The following CLSTN2 variants were observed in gnomAD, a reference collection of about 807,000 sequenced individuals.
CLSTN2 encodes the protein calsyntenin-2.
Under a neutral mutation model 101.2 loss-of-function variants are expected in CLSTN2, and 48 were observed. The observed-to-expected ratio is 0.47, with a 90% CI of 0.38 to 0.60. CLSTN2 has a LOEUF of 0.60. CLSTN2 is among the 20% of genes least tolerant of loss of function. The pLI is 0.00. For synonymous variants in CLSTN2, 481 were observed against 463.6 expected (o/e 1.04, Z -0.48); for missense variants, 1,160 against 1,238.2 (o/e 0.94, Z 0.95).
At chr3:140,121,732 A>G (rs1360125148) in intron 1 of CLSTN2, among the ~76,000 whole-genome samples, 1 of 152,200 alleles carries the variant, frequency 6.6e-6, no homozygotes, top group Non-Finnish European at 1.5e-5. Context: ...AAGAAAAAGC[A>G]TGAGGCTTGG....
At chr3:139,943,690 G>C (rs539911154) in intron 1 of CLSTN2, among the ~76,000 whole-genome samples, 1 of 152,184 alleles carries the variant, frequency 6.6e-6, no homozygotes, top group African/African-American at 2.4e-5. Context: ...GGGGATGGGA[G>C]CTGGAACAGG....
chr3:140,309,879 C>T (rs1576509517), intron 2 of CLSTN2, among the ~76,000 whole-genome samples: 3 of 152,158 alleles, frequency 2.0e-5, no homozygotes, highest in South Asian at 4.1e-4. Flanking sequence ...CTACTCAGCA[C>T]ATAAAAACAC....
At chr3:140,504,218 G>A (rs1044810534) in intron 8 of CLSTN2, among the ~76,000 whole-genome samples, 1 of 152,192 alleles carries the variant, frequency 6.6e-6, no homozygotes, top group Non-Finnish European at 1.5e-5. Context: ...ACAGATGAAT[G>A]AATGAATGAG....
chr3:140,124,771 G>A (rs1020363686), intron 1 of CLSTN2, among the ~76,000 whole-genome samples: 5 of 152,114 alleles, frequency 3.3e-5, no homozygotes, highest in Admixed American at 3.3e-4. Flanking sequence ...TTCAGGCCTG[G>A]GAATGAAATG....
chr3:140,010,721 A>G (rs959300879), intron 1 of CLSTN2, among the ~76,000 whole-genome samples: 1 of 151,968 alleles, frequency 6.6e-6, no homozygotes, highest in Non-Finnish European at 1.5e-5. Context: ...GCACTCCCCA[A>G]CTGTTGTGAG....
chr3:140,318,538 A>G (rs758560210), intron 2 of CLSTN2, among the ~76,000 whole-genome samples: 1 of 152,204 alleles, frequency 6.6e-6, no homozygotes, highest in Non-Finnish European at 1.5e-5. Flanking sequence ...GGGCCCCCTC[A>G]GGTCTCAGGC....
chr3:140,434,998 C>G (rs992399421), intron 5 of CLSTN2, among the ~76,000 whole-genome samples: 2 of 152,076 alleles, frequency 1.3e-5, no homozygotes. Context: ...GGAATGCAAA[C>G]TGAAATGAGC....
chr3:140,488,638 C>CTTTTTT (rs66504085), intron 8 of CLSTN2, among the ~76,000 whole-genome samples: 1 of 73,694 alleles, frequency 1.4e-5, no homozygotes, highest in Non-Finnish European at 2.4e-5. Context: ...TTAATACGTG[C>CTTTTTT]TTTTTTTTTT....
At chr3:140,185,543 A>G (rs2010474130) in intron 2 of CLSTN2, among the ~76,000 whole-genome samples, 1 of 152,116 alleles carries the variant, frequency 6.6e-6, no homozygotes, top group African/African-American at 2.4e-5. Context: ...GACCCAGCCC[A>G]CCTGACCAAC....
intron 2 of CLSTN2, among the ~76,000 whole-genome samples, chr3:140,350,295 T>C (rs2087591960): frequency 6.6e-6 from 1 of 152,006 alleles, no homozygotes; most frequent in African/African-American, 2.4e-5. Flanking sequence ...GCTAGAGGAG[T>C]TTCACTCATG....
At chr3:140,031,626 A>G (rs2007551145) in intron 1 of CLSTN2, among the ~76,000 whole-genome samples, 1 of 152,196 alleles carries the variant, frequency 6.6e-6, no homozygotes, top group Admixed American at 6.5e-5. Flanking sequence ...ATTGGTTTGA[A>G]TATGGAGGGA....
intron 2 of CLSTN2, among the ~76,000 whole-genome samples, chr3:140,402,631 A>G (rs1317375381): frequency 6.6e-6 from 1 of 152,194 alleles, no homozygotes; most frequent in Non-Finnish European, 1.5e-5. Flanking sequence ...GCAAGGCCCC[A>G]TTAAATGATG....
At chr3:140,234,108 G>T (rs2086395161) in intron 2 of CLSTN2, among the ~76,000 whole-genome samples, 2 of 152,328 alleles carry the variant, frequency 1.3e-5, no homozygotes, top group East Asian at 1.9e-4. Context: ...GCCCTGTGCT[G>T]CTGAGATTCA....
At chr3:140,287,907 G>C (rs771250981) in intron 2 of CLSTN2, among the ~76,000 whole-genome samples, 1 of 152,192 alleles carries the variant, frequency 6.6e-6, no homozygotes, top group Non-Finnish European at 1.5e-5. Flanking sequence ...GCTCAGGAGA[G>C]AGAGATAAAC....
chr3:139,955,017 G>C (rs1935363687), intron 1 of CLSTN2, among the ~76,000 whole-genome samples: 1 of 149,974 alleles, frequency 6.7e-6, no homozygotes, highest in East Asian at 1.9e-4. Flanking sequence ...TCAGTGAGGA[G>C]AGTGTTAGCA....
chr3:140,348,573 T>C (rs1180606647), intron 2 of CLSTN2, among the ~76,000 whole-genome samples: 1 of 152,222 alleles, frequency 6.6e-6, no homozygotes, highest in African/African-American at 2.4e-5. Flanking sequence ...TCACTATTTT[T>C]CTTTCTCTTA....
chr3:140,413,115 T>A (rs1033479562), intron 4 of CLSTN2, among the ~76,000 whole-genome samples: 8 of 152,058 alleles, frequency 5.3e-5, no homozygotes, highest in African/African-American at 1.9e-4. Context: ...TTTGTTTTTT[T>A]AAATAGATAA....
intron 2 of CLSTN2, among the ~76,000 whole-genome samples, chr3:140,335,967 C>T (rs886157339): frequency 5.9e-5 from 9 of 152,174 alleles, no homozygotes; most frequent in Admixed American, 3.3e-4. Context: ...CTCCAAGCCA[C>T]ACCAAGTCTA....
chr3:139,980,005 A>T (rs9861857), intron 1 of CLSTN2, among the ~76,000 whole-genome samples: 50,567 of 151,760 alleles, frequency 0.33, 10,667 homozygotes, highest in Non-Finnish European at 0.47. Context: ...TGTGAATTCA[A>T]CTTTCAAAAT....
Sources: allele counts gnomAD v4.1 joint callset (sites outside exome capture counted in the v4.1 genomes callset), GRCh38; gene constraint gnomAD v4.1.1; transcripts MANE v1.5; gene names NCBI Gene and HGNC (gene_info 2026-07-23, HGNC 2026-07-21).